PHF8: variants seen among roughly 807,000 people sequenced by gnomAD.
The protein encoded by PHF8 is histone lysine demethylase PHF8.
Under a neutral mutation model 74.4 loss-of-function variants are expected in PHF8, and 9 were observed. The observed-to-expected ratio is 0.12, with a 90% CI of 0.07 to 0.21. The LOEUF is 0.21. Among genes scored for constraint, PHF8 ranks in the 10% least tolerant of loss-of-function variants. PHF8 has a pLI of 1.00. For synonymous variants in PHF8, 311 were observed against 316.6 expected, an observed-to-expected ratio of 0.98 and a Z score of 0.19; for missense variants, 478 against 816.6, an observed-to-expected ratio of 0.59 and a Z score of 5.05.
chrX:54,047,189 G>A (rs2066638664), upstream of PHF8, among the ~76,000 whole-genome samples: 1 of 111,852 alleles, frequency 8.9e-6, no homozygotes, highest in Non-Finnish European at 1.9e-5. Flanking sequence ...TTGGGAAAGG[G>A]TAGAAAAAGA....
At chrX:54,039,615 T>C (rs1742740579) in intron 2 of PHF8, 1 of 112,305 alleles carries the variant, frequency 8.9e-6, no homozygotes, top group Non-Finnish European at 1.9e-5. Context: ...ATGTCAAGTA[T>C]CTACTAGGCA....
At chrX:54,022,935 A>C in intron 2 of PHF8, 92 bp from the exon 3 acceptor site, 1 of 534,709 alleles carries the variant, frequency 1.9e-6, no homozygotes, top group Admixed American at 2.9e-5. Context: ...TATTAAGTAC[A>C]TGTGGCTATT....
chrX:53,964,889 GAAAA>G (rs1343576745), intron 18 of PHF8, among the ~76,000 whole-genome samples: 1 of 92,318 alleles, frequency 1.1e-5, no homozygotes, highest in Non-Finnish European at 2.2e-5. Flanking sequence ...AAAAAAAAAA[GAAAA>G]GAAAGAAAGT....
At position 53,938,279 on chromosome X, in the gene PHF8, G is replaced by A. The variant is rs1322023488; in HGVS notation, c.*879C>T. 6 of 1,029,202 alleles carry A rather than the reference G, an allele frequency of 5.8e-6. No homozygotes were observed. The highest frequency in any genetic ancestry group is 6.2e-6 in the Non-Finnish European group (5 of 809,901). The allele number at this position is 1,029,202 out of a possible 1,213,427, so 84.8% of individuals were successfully genotyped here. A position where few individuals can be genotyped will look rare whatever the true frequency, so the allele number is the denominator to read the frequency against. On this transcript the variant is annotated 3_prime_UTR_variant, in exon 22 of 22. Coordinates refer to ENST00000338154, the MANE Select transcript of PHF8 (RefSeq NM_015107.3). ...TCTGCGTCATTGGCAGGTGCTTTCA[G>A]GTTTCTGGGAGATGGTTTTCCACCT...
Position 54,014,324 on chromosome X carries a change from C to G in PHF8, c.783+53G>C. The stretch of plus-strand genomic sequence containing the variant: ...AATGTTTCTGTGCTGCCATGTGACA[C>G]GTACAGGGAGGCCCAAGGCCTGGCT... On this transcript the variant is annotated intron_variant, in intron 7 of 21. Transcript: ENST00000338154. The G allele has an allele frequency of 1.6e-5, 13 of 818,883 alleles. 1 individual carries two copies. In the South Asian group the frequency reaches 2.2e-4, roughly 14 times the overall value. 67.5% of individuals were successfully genotyped at this position (818,883 alleles called of 1,213,427 possible). A position where few individuals can be genotyped will look rare whatever the true frequency, so the allele number is the denominator to read the frequency against.
At chrX:54,039,823 C>G (rs1188557128) in intron 2 of PHF8, 3 of 112,186 alleles carry the variant, frequency 2.7e-5, no homozygotes, top group African/African-American at 9.7e-5. Context: ...TATCAGAAAT[C>G]AAGTTTAGCT....
chrX:54,003,797 C>T (rs2065860495), intron 8 of PHF8, among the ~76,000 whole-genome samples: 1 of 112,233 alleles, frequency 8.9e-6, no homozygotes, highest in African/African-American at 3.2e-5. Flanking sequence ...CCAGCCCTTG[C>T]TCTTTAAGCT....
At chrX:53,962,741 A>G in intron 19 of PHF8, 103 bp downstream of exon 19, 1 of 560,079 alleles carries the variant, frequency 1.8e-6, no homozygotes, top group Non-Finnish European at 3.2e-6. Flanking sequence ...GAATAAACAA[A>G]TGAGTGACTG....
intron 8 of PHF8, among the ~76,000 whole-genome samples, chrX:54,003,184 T>A (rs954247765): frequency 8.9e-6 from 1 of 112,479 alleles, no homozygotes; most frequent in Non-Finnish European, 1.9e-5. Flanking sequence ...CAAGTACTTT[T>A]AAATTTTCTA....
Position 53,939,124 on chromosome X carries a change from G to C in PHF8, c.*34C>G. ...GAGTTGACAATGGAGAAGGCAATGG[G>C]GGTAAAGGGGTGAGGGGTGGGACAC... On this transcript the variant is annotated 3_prime_UTR_variant, in exon 22 of 22. Coordinates refer to ENST00000338154, the MANE Select transcript of PHF8 (RefSeq NM_015107.3). The C allele has an allele frequency of 8.3e-7, 1 of 1,206,344 alleles. No individual in the cohort carries two copies.
chrX:54,040,426 C>T (rs1367927258), intron 2 of PHF8, among the ~76,000 whole-genome samples: 1 of 111,896 alleles, frequency 8.9e-6, no homozygotes, highest in Non-Finnish European at 1.9e-5. Flanking sequence ...ACATCTCTGC[C>T]CTCAGGAAGC....
intron 19 of PHF8, among the ~76,000 whole-genome samples, chrX:53,950,920 A>C (rs1234569377): frequency 8.9e-6 from 1 of 112,046 alleles, no homozygotes; most frequent in African/African-American, 3.2e-5. Context: ...AAAAAAAATC[A>C]ATCAGTGGAA....
chrX:53,942,333 T>C (rs984407371), intron 20 of PHF8, among the ~76,000 whole-genome samples: 8 of 112,236 alleles, frequency 7.1e-5, no homozygotes, highest in African/African-American at 2.6e-4. Context: ...CCTCATTTAA[T>C]CCTAAAATGA....
chrX:54,002,248 C>T lies in PHF8; in HGVS notation c.1048G>A (p.Glu350Lys). 2 of 1,171,898 alleles carry T rather than the reference C, an allele frequency of 1.7e-6. No homozygotes were observed. The highest frequency in any genetic ancestry group is 5.9e-5 in the East Asian group (2 of 33,666). ...IEMQLKAYEIEKRLSTADLFR... is the reference protein window; with the variant it reads ...IEMQLKAYEIKKRLSTADLFR... ...AGGTCTGCTGTGCTCAGCCGCTTCT[C>T]AATCTCATAGGCTCTAGAAGGAGGA... The change falls in exon 10 of 22, where the codon GAG (glutamate) becomes AAG (lysine). Residue 350 changes from glutamate to lysine, a missense_variant. Coordinates refer to ENST00000338154, the MANE Select transcript of PHF8 (RefSeq NM_015107.3).
chrX:53,961,047 A>G (rs1557090672), intron 19 of PHF8, among the ~76,000 whole-genome samples: 2 of 108,781 alleles, frequency 1.8e-5, no homozygotes, highest in Non-Finnish European at 3.8e-5. Flanking sequence ...TTTGAGATGG[A>G]GTCTCGCTCT....
At position 53,985,073 on chromosome X, in the gene PHF8, G is replaced by T. The variant is rs782530078; in HGVS notation, c.2284C>A (p.Leu762Met). The part of the protein sequence containing the change: ...DRSSGSSSSG[L>M]GTVSNSPASQ... ...GCAGGACTGTTAGACACTGTGCCCA[G>T]CCCACTGCTGGAGCTCCCACTGCTT... The change falls in exon 18 of 22, where the codon CTG (leucine) becomes ATG (methionine). Residue 762 changes from leucine (L) to methionine (M), a missense_variant. Around this residue, in one of 9 missense-constraint regions of PHF8, gnomAD observed 51 missense variants for 45.8 expected, o/e 1.11. Transcript: ENST00000338154. 3 of 1,211,332 alleles carry T rather than the reference G, an allele frequency of 2.5e-6. No individual in the cohort carries two copies. Among genetic ancestry groups the T allele is most frequent in the Non-Finnish European group, 2.2e-6 (2 of 895,221 alleles).
At chrX:54,000,261 C>T (rs2065808283) in intron 10 of PHF8, among the ~76,000 whole-genome samples, 1 of 112,142 alleles carries the variant, frequency 8.9e-6, no homozygotes, top group African/African-American at 3.2e-5. Flanking sequence ...CTAGCAAGTG[C>T]TAGAGCCATG....
rs1287482644 is a variant in PHF8 at position 53,988,754 on chromosome X, C to CA, written c.1731-811dup. ...CTCTTGCCTCAGCAAGACTCCGTCT[C>CA]AAAAAAAAAAAAAAAATACTGTATT... On this transcript the variant is annotated intron_variant, in intron 14 of 21. Coordinates refer to ENST00000338154, the MANE Select transcript of PHF8 (RefSeq NM_015107.3). Among the ~76,000 whole-genome samples, 219 of 56,113 alleles carry CA rather than the reference C, an allele frequency of 3.9e-3. 1 individual carries two copies. Among genetic ancestry groups the CA allele is most frequent in the African/African-American group, 9.3e-3 (149 of 15,980 alleles). The allele number at this position is 56,113 out of a possible 115,157, so 48.7% of individuals were successfully genotyped here.
intron 2 of PHF8, among the ~76,000 whole-genome samples, chrX:54,039,405 T>C (rs782717161): frequency 1.1e-3 from 118 of 111,309 alleles, no homozygotes; most frequent in African/African-American, 3.4e-3. Flanking sequence ...TGGGGGCCCA[T>C]AGAGAGAAGC....
Sources: allele counts gnomAD v4.1 joint callset (sites outside exome capture counted in the v4.1 genomes callset), GRCh38; gene constraint gnomAD v4.1.1; regional missense constraint gnomAD v4.1.1; transcripts MANE v1.5; gene names NCBI Gene and HGNC (gene_info 2026-07-23, HGNC 2026-07-21).